The following ZNF710 variants were observed in gnomAD, a reference collection of about 807,000 sequenced individuals.
The protein encoded by ZNF710 is zinc finger protein 710.
ZNF710 carries 13 observed loss-of-function variants against 50.6 expected under a neutral mutation model. That is an observed-to-expected ratio of 0.26 (90% CI 0.17 to 0.41). The LOEUF (loss-of-function observed/expected upper bound fraction) is 0.41. Among genes scored for constraint, ZNF710 ranks in the 10% least tolerant of loss-of-function variants. ZNF710 has a pLI of 1.00. For missense variants in ZNF710, 721 were observed against 936.6 expected (o/e 0.77, Z 3.01); for synonymous variants, 383 against 397.0 (o/e 0.96, Z 0.42).
rs398028304 is a variant in ZNF710 at position 90,034,428 on chromosome 15, CTG to C, written c.-28-32636_-28-32635del. Among the ~76,000 whole-genome samples the C allele has an allele frequency of 0.17, 22,508 of 135,802 alleles. 1,877 individuals are homozygous for C. Among genetic ancestry groups the C allele is most frequent in the East Asian group, 0.3 (1,324 of 4,428 alleles). 89.1% of individuals were successfully genotyped at this position (135,802 alleles called of 152,430 possible). A position where few individuals can be genotyped will look rare whatever the true frequency, so the allele number is the denominator to read the frequency against. ...AGCTGTCCTTCCTGTTTCCAAATTC[CTG>C]TGTGTGTGTGTGTGTGTGTGTGTGT... On this transcript the variant is annotated intron_variant, in intron 1 of 4. Transcript: ENST00000268154. This position sits in a 1 kb window ranked among gnomAD's most constrained non-coding sequence, Gnocchi z 4.0.
chr15:90,050,890 G>A (rs1300639969), intron 1 of ZNF710, among the ~76,000 whole-genome samples: 2 of 151,782 alleles, frequency 1.3e-5, no homozygotes, highest in African/African-American at 4.8e-5. Flanking sequence ...GGGGATCTTT[G>A]TGCCTCACCA....
chr15:90,063,450 C>T (rs1900073645), intron 1 of ZNF710, among the ~76,000 whole-genome samples: 1 of 152,066 alleles, frequency 6.6e-6, no homozygotes, highest in South Asian at 2.1e-4. Context: ...TGTAGGTCTT[C>T]CGTGGTGTTT....
chr15:90,018,170 C>CTTTTTTT (rs5814406), intron 1 of ZNF710, among the ~76,000 whole-genome samples: 2 of 128,390 alleles, frequency 1.6e-5, no homozygotes, highest in Non-Finnish European at 3.4e-5. Flanking sequence ...TTTCTTTTTT[C>CTTTTTTT]TTTTTTTTTT....
At position 90,062,112 on chromosome 15, in the gene ZNF710, G is replaced by A. The variant is rs1343066736; in HGVS notation, c.-28-4998G>A. Among the ~76,000 whole-genome samples the A allele has an allele frequency of 9.9e-5, 12 of 121,202 alleles. No homozygotes were observed. Among genetic ancestry groups the A allele is most frequent in the East Asian group, 2.2e-4 (1 of 4,510 alleles). 79.5% of individuals were successfully genotyped at this position (121,202 alleles called of 152,430 possible). A position where few individuals can be genotyped will look rare whatever the true frequency, so the allele number is the denominator to read the frequency against. On this transcript the variant is annotated intron_variant, in intron 1 of 4. Transcript: ENST00000268154. This position sits in a 1 kb window ranked among gnomAD's most constrained non-coding sequence, Gnocchi z 5.6. ...GTCACTGCACGCCCCTCCCCCTCCCGCCTTTGTTTCTTGGCCTCCACAGCC... is the reference window on the plus strand; with the variant it reads ...GTCACTGCACGCCCCTCCCCCTCCCACCTTTGTTTCTTGGCCTCCACAGCC...
At chr15:90,045,520 GC>G in intron 1 of ZNF710, 1 of 559,376 alleles carries the variant, frequency 1.8e-6, no homozygotes, top group Non-Finnish European at 2.3e-6. Flanking sequence ...CAAGGCCTGA[GC>G]CCAGGGGCCG....
chr15:90,022,416 A>G (rs1898652278), intron 1 of ZNF710, among the ~76,000 whole-genome samples: 1 of 152,210 alleles, frequency 6.6e-6, no homozygotes, highest in Non-Finnish European at 1.5e-5. Flanking sequence ...TGGGGGACTC[A>G]AACATGCAAA....
At chr15:90,012,154 G>A (rs913328719) in intron 1 of ZNF710, among the ~76,000 whole-genome samples, 17 of 151,902 alleles carry the variant, frequency 1.1e-4, no homozygotes, top group African/African-American at 3.9e-4. Flanking sequence ...GCAGTGAGCT[G>A]AGATGGCGCT....
At chr15:90,052,422 C>T (rs1175508218) in intron 1 of ZNF710, among the ~76,000 whole-genome samples, 1 of 152,176 alleles carries the variant, frequency 6.6e-6, no homozygotes, top group Admixed American at 6.6e-5. Context: ...AGATTAAAAA[C>T]AGCAATGGAG....
intron 1 of ZNF710, among the ~76,000 whole-genome samples, chr15:90,011,268 C>T (rs918174294): frequency 6.6e-6 from 1 of 152,078 alleles, no homozygotes; most frequent in African/African-American, 2.4e-5. Context: ...CATGGAACCA[C>T]CACTCCTGGC....
chr15:90,021,886 G>A (rs1898633796), intron 1 of ZNF710, among the ~76,000 whole-genome samples: 2 of 152,162 alleles, frequency 1.3e-5, no homozygotes, highest in South Asian at 4.1e-4. Flanking sequence ...AGAAGTTCAA[G>A]ACCAGGTGAA....
intron 1 of ZNF710, among the ~76,000 whole-genome samples, chr15:90,056,849 T>C (rs1027750409): frequency 6.6e-6 from 1 of 152,174 alleles, no homozygotes; most frequent in Non-Finnish European, 1.5e-5. Context: ...CCTGTTAGTT[T>C]AGGCAGGCTC....
Position 90,067,078 on chromosome 15 carries a change from A to G in ZNF710, c.-28-32A>G. 1 of 1,531,704 alleles carries G rather than the reference A, an allele frequency of 6.5e-7. No individual in the cohort carries two copies. Among genetic ancestry groups the G allele is most frequent in the Non-Finnish European group, 8.8e-7 (1 of 1,139,566 alleles). The allele number at this position is 1,531,704 out of a possible 1,614,324, so 94.9% of individuals were successfully genotyped here. On this transcript the variant is annotated intron_variant, in intron 1 of 4. Coordinates refer to ENST00000268154, the MANE Select transcript of ZNF710 (RefSeq NM_198526.4). The surrounding 1 kb of genome is among the most constrained non-coding windows in gnomAD (Gnocchi z 8.1). Reference sequence around the variant, plus strand: ...TTGTCTGTCTGTGCAGGAGTGAGCCAGCAATATTAACCTTCCCTTCTCCAC... The same window carrying G: ...TTGTCTGTCTGTGCAGGAGTGAGCCGGCAATATTAACCTTCCCTTCTCCAC...
chr15:90,044,210 G>A (rs1399035863), intron 1 of ZNF710, among the ~76,000 whole-genome samples: 1 of 152,226 alleles, frequency 6.6e-6, no homozygotes, highest in Admixed American at 6.5e-5. Context: ...GGGTCAGCAG[G>A]GATAGGTGAC....
At chr15:90,021,392 A>G (rs4932271) in intron 1 of ZNF710, among the ~76,000 whole-genome samples, 95,162 of 152,102 alleles carry the variant, frequency 0.63, 31,520 homozygotes, top group African/African-American at 0.81. Flanking sequence ...CACAGCCTGT[A>G]AAATGGGTTC....
At position 90,059,718 on chromosome 15, in the gene ZNF710, C is replaced by T. The variant is rs989879459; in HGVS notation, c.-28-7392C>T. On this transcript the variant is annotated intron_variant, in intron 1 of 4. Transcript: ENST00000268154. This position sits in a 1 kb window ranked among gnomAD's most constrained non-coding sequence, Gnocchi z 4.1. ...GAAGTGAGACTGTGGCAAGGGGCCC[C>T]GAGGCACAGGCCTTCCAGCTCTCGC... Among the ~76,000 whole-genome samples the T allele has an allele frequency of 1.8e-4, 28 of 152,320 alleles. No individual in the cohort carries two copies. The highest frequency in any genetic ancestry group is 1.9e-4 in the African/African-American group (8 of 41,582).
At chr15:90,005,695 G>A (rs1473933195) in intron 1 of ZNF710, among the ~76,000 whole-genome samples, 1 of 151,928 alleles carries the variant, frequency 6.6e-6, no homozygotes, top group Non-Finnish European at 1.5e-5. Context: ...TGATCTGCCC[G>A]CCTCGGCCTC....
intron 1 of ZNF710, among the ~76,000 whole-genome samples, chr15:90,020,962 G>T (rs1364790083): frequency 6.6e-6 from 1 of 151,882 alleles, no homozygotes; most frequent in Non-Finnish European, 1.5e-5. Context: ...ACCCACCAAG[G>T]GCATGAGTAG....
chr15:90,067,612 A>G lies in ZNF710; in HGVS notation c.475A>G (p.Ile159Val). ...GGTGCAGAGCAGCGCCGTCAAGATG[A>G]TCGACCTCAGCGCCTTCAGCCGCAA... ...ALVQSSAVKMIDLSAFSRKPR... is the reference protein window; with the variant it reads ...ALVQSSAVKMVDLSAFSRKPR... The change falls in exon 2 of 5, where the codon ATC (isoleucine) becomes GTC (valine). Residue 159 changes from isoleucine to valine, a missense_variant. This residue lies in a region of ZNF710 where 326 missense variants were observed against 347.1 expected (regional missense o/e 0.94). Transcript: ENST00000268154. The surrounding 1 kb of genome is among the most constrained non-coding windows in gnomAD (Gnocchi z 8.1). The G allele has an allele frequency of 6.2e-7, 1 of 1,611,638 alleles. No homozygotes were observed. Among genetic ancestry groups the G allele is most frequent in the Non-Finnish European group, 8.5e-7 (1 of 1,179,130 alleles).
intron 1 of ZNF710, among the ~76,000 whole-genome samples, chr15:90,004,518 G>A (rs901030905): frequency 4.6e-5 from 7 of 152,198 alleles, no homozygotes; most frequent in Admixed American, 1.3e-4. Context: ...TTGAAATAAG[G>A]AATCTGTGAA....
Sources: allele counts gnomAD v4.1 joint callset (sites outside exome capture counted in the v4.1 genomes callset), GRCh38; gene constraint gnomAD v4.1.1; regional missense constraint gnomAD v4.1.1; non-coding constraint Gnocchi (gnomAD v3.1); transcripts MANE v1.5; gene names NCBI Gene and HGNC (gene_info 2026-07-23, HGNC 2026-07-21).